EVI5: variants seen among roughly 807,000 people sequenced by gnomAD.
EVI5 encodes the protein ecotropic viral integration site 5 protein homolog.
EVI5 carries 73 observed loss-of-function variants against 112.0 expected under a neutral mutation model. The observed-to-expected ratio is 0.65, with a 90% CI of 0.54 to 0.79. The LOEUF (loss-of-function observed/expected upper bound fraction) is 0.79, where lower values mean the gene tolerates loss of function less well. EVI5 is among the 30% of genes least tolerant of loss of function. The pLI is 0.00. For synonymous variants in EVI5, 305 were observed against 319.9 expected (o/e 0.95, Z 0.50); for missense variants, 900 against 968.8 (o/e 0.93, Z 0.94).
chr1:92,546,038 C>G (rs1015793883), intron 19 of EVI5, among the ~76,000 whole-genome samples: 1 of 152,040 alleles, frequency 6.6e-6, no homozygotes, highest in Non-Finnish European at 1.5e-5. Context: ...ACTGCCCACA[C>G]GAACTGCTTT....
chr1:92,647,270 G>T, intron 13 of EVI5: 1 of 186,446 alleles, frequency 5.4e-6, no homozygotes, highest in Non-Finnish European at 1.2e-5. Flanking sequence ...ACCTCACACA[G>T]CTTTTTTGCT....
chr1:92,678,300 G>C (rs1667061592), intron 9 of EVI5, among the ~76,000 whole-genome samples: 1 of 152,168 alleles, frequency 6.6e-6, no homozygotes, highest in Non-Finnish European at 1.5e-5. Context: ...GGGGGCCAAG[G>C]GGGGCCAAGT....
chr1:92,729,740 T>C (rs1252980543), intron 2 of EVI5, among the ~76,000 whole-genome samples: 1 of 152,208 alleles, frequency 6.6e-6, no homozygotes, highest in Non-Finnish European at 1.5e-5. Flanking sequence ...ATTTTTTATT[T>C]GTATTATTTT....
intron 1 of EVI5, among the ~76,000 whole-genome samples, chr1:92,772,148 G>A (rs949133241): frequency 3.3e-5 from 5 of 151,066 alleles, no homozygotes; most frequent in African/African-American, 1.2e-4. Context: ...CACCACACCC[G>A]GCCTGCCCAC....
At position 92,615,096 on chromosome 1, in the gene EVI5, T is replaced by C. The variant is rs866568240; in HGVS notation, c.1828-7369A>G. On this transcript the variant is annotated intron_variant, in intron 16 of 19. Transcript: ENST00000684568. ...CTTCTAACAGTATGGAGCACACTGA[T>C]AGTTCTTGGCATGAACTGTTTGTAG... 1.7e-4 allele frequency among the ~76,000 whole-genome samples: 26 copies of C among 152,176 alleles called. 1 individual carries two copies. The highest frequency in any genetic ancestry group is 6.0e-4 in the African/African-American group (25 of 41,544).
At position 92,535,404 on chromosome 1, in the gene EVI5, C is replaced by T. The variant is rs1000675912; in HGVS notation, c.2167-21434G>A. ...ACCATTTGACCCAGCAATCCCCTTACTGGGTATATACCCAAAGGATTATAA... is the reference window on the plus strand; with the variant it reads ...ACCATTTGACCCAGCAATCCCCTTATTGGGTATATACCCAAAGGATTATAA... On this transcript the variant is annotated intron_variant, in intron 19 of 19. Transcript: ENST00000684568. Among the ~76,000 whole-genome samples the T allele has an allele frequency of 2.0e-5, 3 of 152,182 alleles. No homozygotes were observed. In the South Asian group the frequency reaches 6.2e-4, roughly 32 times the overall value.
At chr1:92,788,522 C>T (rs1272737371), upstream of EVI5, among the ~76,000 whole-genome samples, 1 of 151,202 alleles carries the variant, frequency 6.6e-6, no homozygotes, top group Non-Finnish European at 1.5e-5. Flanking sequence ...CTAGGCAGGA[C>T]ATGATGGCTC....
rs533833806 is a variant in EVI5 at position 92,689,801 on chromosome 1, C to T, written c.1097+4001G>A. Among the ~76,000 whole-genome samples the T allele has an allele frequency of 1.3e-4, 20 of 152,306 alleles. 1 individual carries two copies. The highest frequency in any genetic ancestry group is 4.8e-4 in the African/African-American group (20 of 41,558). On this transcript the variant is annotated intron_variant, in intron 9 of 19. Transcript: ENST00000684568. ...TATAGGCTGTAATTCGTTAATAATG[C>T]CACCTGCAAAAGAATAGACTAATTT...
rs1670551810 is a variant in EVI5, at chr1:92,697,848, C to T, written c.765+12G>A. On this transcript the variant is annotated intron_variant, in intron 6 of 19. Transcript: ENST00000684568. ...AAGGCAATATGCCTTTTTATCAACACTGCACTTTTACCTGTATCATACATT... is the reference window on the plus strand; with the variant it reads ...AAGGCAATATGCCTTTTTATCAACATTGCACTTTTACCTGTATCATACATT... 1.9e-6 allele frequency: 3 copies of T among 1,606,420 alleles called. No individual in the cohort carries two copies. Among genetic ancestry groups the T allele is most frequent in the African/African-American group, 1.3e-5 (1 of 74,680 alleles).
chr1:92,583,949 G>C (rs1041360676), intron 18 of EVI5, among the ~76,000 whole-genome samples: 1 of 152,032 alleles, frequency 6.6e-6, no homozygotes, highest in African/African-American at 2.4e-5. Context: ...ATCTCTCTCT[G>C]TTCTTTTTCA....
intron 2 of EVI5, among the ~76,000 whole-genome samples, chr1:92,718,367 T>C (rs1674132124): frequency 6.6e-6 from 1 of 152,086 alleles, no homozygotes; most frequent in Admixed American, 6.6e-5. Flanking sequence ...TGCAATCAAA[T>C]TAGAACTCAG....
At chr1:92,745,475 T>A (rs1206754263) in intron 1 of EVI5, among the ~76,000 whole-genome samples, 1 of 152,204 alleles carries the variant, frequency 6.6e-6, no homozygotes, top group Non-Finnish European at 1.5e-5. Flanking sequence ...CTTACACTGT[T>A]ATATTATAAA....
chr1:92,530,324 C>T (rs1317325126), intron 19 of EVI5, among the ~76,000 whole-genome samples: 1 of 152,096 alleles, frequency 6.6e-6, no homozygotes, highest in African/African-American at 2.4e-5. Context: ...CTCCCTGGGA[C>T]GAAGCACCTG....
intron 2 of EVI5, among the ~76,000 whole-genome samples, chr1:92,717,934 A>T (rs1405419797): frequency 6.6e-6 from 1 of 152,174 alleles, no homozygotes; most frequent in Non-Finnish European, 1.5e-5. Flanking sequence ...ACCAACAAAG[A>T]TCAAAAGAGA....
chr1:92,715,168 G>C (rs949943176), intron 2 of EVI5, among the ~76,000 whole-genome samples: 1 of 152,024 alleles, frequency 6.6e-6, no homozygotes, highest in South Asian at 2.1e-4. Flanking sequence ...ACCATGTCCA[G>C]CTAATTTTTT....
At chr1:92,548,836 G>A (rs1295360018) in intron 19 of EVI5, among the ~76,000 whole-genome samples, 3 of 152,130 alleles carry the variant, frequency 2.0e-5, no homozygotes, top group Non-Finnish European at 4.4e-5. Context: ...ACTGCTCAAC[G>A]AAATAAAAGA....
At chr1:92,688,315 T>C (rs936374942) in intron 9 of EVI5, among the ~76,000 whole-genome samples, 7 of 152,144 alleles carry the variant, frequency 4.6e-5, no homozygotes, top group African/African-American at 1.7e-4. Context: ...CTCTCACTCA[T>C]AGGTGGGAGC....
At position 92,578,680 on chromosome 1, in the gene EVI5, T is replaced by C. The variant is rs376875340; in HGVS notation, c.2071-14943A>G. ...TTCCAGTGAGCTGAGATCGCGCCAC[T>C]GCACTCCAGCCTGGGAGACAGAGCA... On this transcript the variant is annotated intron_variant, in intron 18 of 19. Coordinates refer to ENST00000684568, the MANE Select transcript of EVI5 (RefSeq NM_001350197.2). Among the ~76,000 whole-genome samples, 5 of 148,702 alleles carry C rather than the reference T, an allele frequency of 3.4e-5. No individual in the cohort carries two copies. The South Asian group carries it at 6.3e-4, about 19-fold the overall frequency.
At chr1:92,646,288 T>C (rs1660950024) in intron 13 of EVI5, among the ~76,000 whole-genome samples, 1 of 152,202 alleles carries the variant, frequency 6.6e-6, no homozygotes, top group Non-Finnish European at 1.5e-5. Context: ...CAGAAGGTTC[T>C]TTCTTGAACT....
Sources: allele counts gnomAD v4.1 joint callset (sites outside exome capture counted in the v4.1 genomes callset), GRCh38; gene constraint gnomAD v4.1.1; transcripts MANE v1.5; gene names NCBI Gene and HGNC (gene_info 2026-07-23, HGNC 2026-07-21).